USP3: variants seen among roughly 807,000 people sequenced by gnomAD.
USP3 encodes ubiquitin specific peptidase 3, also known as ubiquitin carboxyl-terminal hydrolase 3.
Under a neutral mutation model 72.3 loss-of-function variants are expected in USP3, and 20 were observed. The ratio of observed to expected loss-of-function variants is 0.28; its 90% CI spans 0.19 to 0.40. The LOEUF (loss-of-function observed/expected upper bound fraction) is 0.40. Ranked by LOEUF, USP3 falls within the 10% of genes least tolerant of loss-of-function variation. The pLI is 1.00. For missense variants in USP3, 479 were observed against 633.9 expected, an observed-to-expected ratio of 0.76 and a Z score of 2.62; for synonymous variants, 222 against 225.3, an observed-to-expected ratio of 0.99 and a Z score of 0.13.
intron 8 of USP3, 119 bp downstream of exon 8, chr15:63,563,127 GT>G: frequency 1.5e-6 from 1 of 670,230 alleles, no homozygotes; most frequent in South Asian, 3.7e-5. Flanking sequence ...CTGGTTTGGT[GT>G]TTTTTTCTTT....
intron 1 of USP3, among the ~76,000 whole-genome samples, chr15:63,512,886 C>G (rs2065808807): frequency 6.6e-6 from 1 of 152,294 alleles, no homozygotes; most frequent in South Asian, 2.1e-4. Context: ...ATCAAATTTG[C>G]AGTTGTCTTA....
chr15:63,568,160 T>C (rs951198052), intron 8 of USP3, among the ~76,000 whole-genome samples: 1 of 152,072 alleles, frequency 6.6e-6, no homozygotes, highest in Non-Finnish European at 1.5e-5. Context: ...GAGACCATCC[T>C]GGTCAACATG....
chr15:63,575,985 CTT>C (rs35737078), intron 11 of USP3, among the ~76,000 whole-genome samples: 200 of 119,730 alleles, frequency 1.7e-3, no homozygotes, highest in Admixed American at 2.3e-3. Flanking sequence ...CTGAACAATA[CTT>C]TTTTTTTTTT....
rs1267153946 is a variant in USP3 at position 63,556,694 on chromosome 15, G to A, written c.396G>A (p.Lys132=). 2.5e-6 allele frequency: 4 copies of A among 1,608,568 alleles called. No individual in the cohort carries two copies. Among genetic ancestry groups the A allele is most frequent in the Non-Finnish European group, 3.4e-6 (4 of 1,177,818 alleles). ...CAGCTTTCACAGCTGACAGGCATAA[G>A]AAAAGAAAACTTTTGGAAAACTCAA... ...ENSAFTADRH[K]KRKLLENSTL... Residue 132 remains lysine, a synonymous_variant, in exon 5 of 15, where the codon AAG becomes AAA. Transcript: ENST00000380324.
intron 6 of USP3, among the ~76,000 whole-genome samples, chr15:63,558,400 A>C (rs1248965421): frequency 2.6e-5 from 4 of 152,098 alleles, no homozygotes; most frequent in Non-Finnish European, 5.9e-5. Context: ...ATTTGTCTAA[A>C]GTACTTAGAG....
chr15:63,589,814 A>G (rs1482777510), intron 14 of USP3, among the ~76,000 whole-genome samples: 2 of 148,560 alleles, frequency 1.3e-5, no homozygotes, highest in East Asian at 3.9e-4. Context: ...AAAGACTGCC[A>G]TGGCCTACTT....
chr15:63,586,159 AT>A (rs1271803189), intron 11 of USP3, among the ~76,000 whole-genome samples: 1 of 152,100 alleles, frequency 6.6e-6, no homozygotes, highest in Non-Finnish European at 1.5e-5. Flanking sequence ...TTTCCTTTTC[AT>A]TTTGGATGCT....
At chr15:63,580,876 T>C (rs1371384911) in intron 11 of USP3, among the ~76,000 whole-genome samples, 1 of 151,812 alleles carries the variant, frequency 6.6e-6, no homozygotes, top group East Asian at 1.9e-4. Context: ...TGGCACAATC[T>C]TGGCTCACTG....
At chr15:63,519,072 T>C (rs2065886580) in intron 1 of USP3, among the ~76,000 whole-genome samples, 1 of 152,176 alleles carries the variant, frequency 6.6e-6, no homozygotes, top group South Asian at 2.1e-4. Flanking sequence ...GCCGGGTCTT[T>C]CTTTTCAATC....
At position 63,592,824 on chromosome 15, in the gene USP3, G is replaced by A. The variant is rs1318552088; in HGVS notation, c.*1998G>A. ...TGGCTTTCCCTCAGGTTGGATATCT[G>A]AAGTTGTGGGAGCAGATGTAGCTCC... On this transcript the variant is annotated 3_prime_UTR_variant, in exon 15 of 15. Transcript: ENST00000380324. 1.3e-5 allele frequency: 2 copies of A among 151,576 alleles called. No individual in the cohort carries two copies. Among genetic ancestry groups the A allele is most frequent in the Admixed American group, 6.6e-5 (1 of 15,208 alleles). The allele number at this position is 151,576 out of a possible 1,614,324, so 9.4% of individuals were successfully genotyped here. A position where few individuals can be genotyped will look rare whatever the true frequency, so the allele number is the denominator to read the frequency against.
intron 9 of USP3, among the ~76,000 whole-genome samples, chr15:63,572,478 A>G (rs1021451831): frequency 1.4e-4 from 21 of 152,052 alleles, no homozygotes; most frequent in African/African-American, 2.7e-4. Flanking sequence ...TTCTTCCCCA[A>G]TGCCATCTTT....
At chr15:63,534,623 CA>C (rs1398859634) in intron 2 of USP3, among the ~76,000 whole-genome samples, 2 of 152,152 alleles carry the variant, frequency 1.3e-5, no homozygotes, top group Non-Finnish European at 2.9e-5. Context: ...TCAGGCAAAA[CA>C]TTGCTAATCT....
chr15:63,582,638 G>C (rs1028150503), intron 11 of USP3, among the ~76,000 whole-genome samples: 4 of 152,060 alleles, frequency 2.6e-5, no homozygotes, highest in Admixed American at 2.0e-4. Flanking sequence ...AAATCAGCAG[G>C]GAGACCACTA....
chr15:63,589,842 G>C (rs2067153245), intron 14 of USP3, among the ~76,000 whole-genome samples: 1 of 148,094 alleles, frequency 6.8e-6, no homozygotes, highest in African/African-American at 2.7e-5. Flanking sequence ...TCACCAATTT[G>C]GGTTTCATCT....
chr15:63,509,718 G>A (rs1000726927), intron 1 of USP3, among the ~76,000 whole-genome samples: 6 of 152,096 alleles, frequency 3.9e-5, no homozygotes, highest in South Asian at 4.2e-4. Context: ...CCCCAACCCC[G>A]TCCCCCAGAA....
chr15:63,593,664 A>G lies in USP3; in HGVS notation c.*2838A>G, dbSNP rs530261532. On this transcript the variant is annotated 3_prime_UTR_variant, in exon 15 of 15. Coordinates refer to ENST00000380324, the MANE Select transcript of USP3 (RefSeq NM_006537.4). Reference sequence around the variant, plus strand: ...GAAGATTCTTTAGAAAAGTGATTGGATCCATCTCAATTGTGCACTTGAACA... The same window carrying G: ...GAAGATTCTTTAGAAAAGTGATTGGGTCCATCTCAATTGTGCACTTGAACA... 6.6e-6 allele frequency: 1 copy of G among 152,350 alleles called. No homozygotes were observed. Among genetic ancestry groups the G allele is most frequent in the South Asian group, 2.1e-4 (1 of 4,824 alleles). 9.4% of individuals were successfully genotyped at this position (152,350 alleles called of 1,614,324 possible). A position where few individuals can be genotyped will look rare whatever the true frequency, so the allele number is the denominator to read the frequency against.
At chr15:63,517,852 G>C (rs1391230845) in intron 1 of USP3, among the ~76,000 whole-genome samples, 1 of 152,118 alleles carries the variant, frequency 6.6e-6, no homozygotes, top group Non-Finnish European at 1.5e-5. Context: ...AGCTTCCTCT[G>C]CACTACTAAG....
intron 3 of USP3, among the ~76,000 whole-genome samples, chr15:63,539,181 CTG>C (rs1240728246): frequency 1.3e-5 from 2 of 151,688 alleles, no homozygotes; most frequent in East Asian, 3.9e-4. Context: ...ATTTGCAGAA[CTG>C]TGTGTTTCTG....
At chr15:63,559,686 G>A (rs763953061) in intron 6 of USP3, among the ~76,000 whole-genome samples, 171 bp from the exon 7 acceptor site, 1 of 151,018 alleles carries the variant, frequency 6.6e-6, no homozygotes, top group African/African-American at 2.4e-5. Flanking sequence ...TTTTCTTAGA[G>A]AGAAGGAAAA....
Sources: gnomAD v4.1 joint callset for allele counts (sites outside exome capture counted in the v4.1 genomes callset) on GRCh38, gnomAD v4.1.1 for gene constraint, MANE v1.5 for transcripts, NCBI Gene and HGNC (gene_info 2026-07-23, HGNC 2026-07-21) for gene names.